PHACTR3: variants seen among roughly 807,000 people sequenced by gnomAD.
PHACTR3 encodes the protein protein phosphatase 1, regulatory subunit 123.
A neutral mutation model predicts 66.8 loss-of-function variants in PHACTR3; 16 were observed. The observed-to-expected ratio is 0.24, with a 90% CI of 0.16 to 0.36. The LOEUF is 0.36. Ranked by LOEUF, PHACTR3 falls within the 10% of genes least tolerant of loss-of-function variation. The pLI, the probability that PHACTR3 is intolerant of heterozygous loss-of-function variation, is 1.00. For missense variants in PHACTR3, 647 were observed against 719.9 expected (o/e 0.90, Z 1.16); for synonymous variants, 323 against 292.1 (o/e 1.11, Z -1.08).
intron 8 of PHACTR3, among the ~76,000 whole-genome samples, chr20:59,827,863 T>G (rs1434173340): frequency 6.6e-6 from 1 of 152,114 alleles, no homozygotes; most frequent in African/African-American, 2.4e-5. Context: ...CTGGTGGAGT[T>G]GAAGTTGCCC....
intron 1 of PHACTR3, among the ~76,000 whole-genome samples, chr20:59,624,234 G>A (rs558328884): frequency 1.3e-5 from 2 of 152,256 alleles, no homozygotes; most frequent in South Asian, 4.2e-4. Flanking sequence ...AGTACAGCAT[G>A]CACCAACCCC....
chr20:59,805,421 A>G (rs1389020581), intron 7 of PHACTR3, among the ~76,000 whole-genome samples: 1 of 152,208 alleles, frequency 6.6e-6, no homozygotes, highest in Admixed American at 6.5e-5. Context: ...ACAGATGGTA[A>G]ACAAACTGAA....
rs552503122 is a variant in PHACTR3, at chr20:59,768,682, T to G, written c.751+1287T>G. Reference sequence around the variant, plus strand: ...AGCCCGGGCATGAGCTCGGGAGGGCTGGGTCCCAGCCCTTGGCTCTTTTCT... The same window carrying G: ...AGCCCGGGCATGAGCTCGGGAGGGCGGGGTCCCAGCCCTTGGCTCTTTTCT... On this transcript the variant is annotated intron_variant, in intron 5 of 12. Transcript: ENST00000371015. Among the ~76,000 whole-genome samples, 9 of 152,368 alleles carry G rather than the reference T, an allele frequency of 5.9e-5. No individual in the cohort carries two copies. The South Asian group carries it at 1.9e-3, about 32-fold the overall frequency.
At chr20:59,773,169 C>T (rs1456459389) in intron 5 of PHACTR3, 110 bp from the exon 6 acceptor site, 3 of 1,284,408 alleles carry the variant, frequency 2.3e-6, no homozygotes, top group African/African-American at 3.0e-5. Flanking sequence ...TGGGGCCCCT[C>T]CTGGAGGTGC....
intron 9 of PHACTR3, among the ~76,000 whole-genome samples, chr20:59,837,599 C>A (rs1485479351): frequency 6.6e-6 from 1 of 152,168 alleles, no homozygotes; most frequent in East Asian, 1.9e-4. Context: ...GTTAACTATA[C>A]CATCTCTGAG....
intron 1 of PHACTR3, among the ~76,000 whole-genome samples, chr20:59,605,727 AC>A (rs2033639804): frequency 6.6e-6 from 1 of 151,872 alleles, no homozygotes; most frequent in Admixed American, 6.6e-5. Flanking sequence ...CAGCGTGTGG[AC>A]TCCGTCCACT....
intron 1 of PHACTR3, among the ~76,000 whole-genome samples, chr20:59,740,315 A>AT (rs60441819): frequency 6.6e-5 from 10 of 151,314 alleles, no homozygotes; most frequent in East Asian, 1.9e-4. Flanking sequence ...TTTCATTTTA[A>AT]TTTTTTTTTA....
intron 1 of PHACTR3, among the ~76,000 whole-genome samples, chr20:59,647,885 G>A (rs2035338072): frequency 6.6e-6 from 1 of 152,210 alleles, no homozygotes; most frequent in Admixed American, 6.5e-5. Flanking sequence ...ATTTTGCACT[G>A]TTTTATTTTT....
At chr20:59,778,324 C>G (rs568081150) in intron 7 of PHACTR3, among the ~76,000 whole-genome samples, 1 of 152,246 alleles carries the variant, frequency 6.6e-6, no homozygotes, top group South Asian at 2.1e-4. Context: ...TGCCTGTGGC[C>G]CCACCCCATG....
intron 1 of PHACTR3, among the ~76,000 whole-genome samples, chr20:59,718,887 G>C (rs1489094771): frequency 6.6e-6 from 1 of 152,232 alleles, no homozygotes; most frequent in Non-Finnish European, 1.5e-5. Flanking sequence ...CGTTTTGCTT[G>C]GCCTACGCAT....
chr20:59,783,697 A>G (rs1416371208), intron 7 of PHACTR3, among the ~76,000 whole-genome samples: 1 of 152,196 alleles, frequency 6.6e-6, no homozygotes, highest in Non-Finnish European at 1.5e-5. Context: ...TAAGCACATC[A>G]TAGGTGCCAG....
At chr20:59,634,717 T>G (rs1465164523) in intron 1 of PHACTR3, among the ~76,000 whole-genome samples, 1 of 152,140 alleles carries the variant, frequency 6.6e-6, no homozygotes, top group Non-Finnish European at 1.5e-5. Context: ...AGAGGCCTCA[T>G]TATAGGTGAG....
rs6027084 is a variant in PHACTR3 at position 59,760,593 on chromosome 20, G to A, written c.541+5229G>A. Among the ~76,000 whole-genome samples the A allele has an allele frequency of 9.4e-3, 1,425 of 152,220 alleles. 24 individuals carry two copies. The highest frequency in any genetic ancestry group is 0.033 in the African/African-American group (1,362 of 41,504). ...ATGTAAGATGTGCGTTTCGCCTTCC[G>A]CCATGATTGTGAGGCCTCCCCAGCT... On this transcript the variant is annotated intron_variant, in intron 4 of 12. Coordinates refer to ENST00000371015, the MANE Select transcript of PHACTR3 (RefSeq NM_080672.5).
At chr20:59,804,638 A>G (rs1473972776) in intron 7 of PHACTR3, among the ~76,000 whole-genome samples, 1 of 152,230 alleles carries the variant, frequency 6.6e-6, no homozygotes, top group African/African-American at 2.4e-5. Flanking sequence ...GACTATAAAT[A>G]CAAGACTGCA....
chr20:59,584,583 A>G (rs145456613), intron 1 of PHACTR3, among the ~76,000 whole-genome samples: 1 of 152,268 alleles, frequency 6.6e-6, no homozygotes, highest in African/African-American at 2.4e-5. Context: ...GCATGTATAT[A>G]TGGATGCGAT....
At chr20:59,619,207 T>C (rs1395165497) in intron 1 of PHACTR3, among the ~76,000 whole-genome samples, 4 of 152,150 alleles carry the variant, frequency 2.6e-5, no homozygotes, top group Admixed American at 2.6e-4. Flanking sequence ...CTAGGCTATC[T>C]TATATGCACA....
intron 1 of PHACTR3, among the ~76,000 whole-genome samples, chr20:59,713,466 T>C (rs532420689): frequency 6.6e-6 from 1 of 152,320 alleles, no homozygotes; most frequent in Admixed American, 6.5e-5. Context: ...TACATCGTCT[T>C]GATTAGTTTT....
chr20:59,803,455 A>C (rs147661129), intron 7 of PHACTR3, among the ~76,000 whole-genome samples: 246 of 152,342 alleles, frequency 1.6e-3, no homozygotes, highest in African/African-American at 5.7e-3. Flanking sequence ...ACTATATAAA[A>C]AATAAAATAC....
intron 8 of PHACTR3, among the ~76,000 whole-genome samples, chr20:59,806,814 G>A (rs977348177): frequency 3.9e-5 from 6 of 152,216 alleles, no homozygotes; most frequent in African/African-American, 1.4e-4. Flanking sequence ...CTGGCTCCAC[G>A]CTGTAGCTGA....
Sources: allele counts gnomAD v4.1 joint callset (sites outside exome capture counted in the v4.1 genomes callset), GRCh38; gene constraint gnomAD v4.1.1; transcripts MANE v1.5; gene names NCBI Gene and HGNC (gene_info 2026-07-23, HGNC 2026-07-21).